CHD8: variants seen among roughly 807,000 people sequenced by gnomAD.
CHD8 encodes chromodomain helicase DNA binding protein 8.
In CHD8, 31 loss-of-function variants were observed where a neutral mutation model predicts 279.2. That is an observed-to-expected ratio of 0.11 (90% CI 0.08 to 0.15). The LOEUF is 0.15. Among genes scored for constraint, CHD8 ranks in the 10% least tolerant of loss-of-function variants. The pLI is 1.00. For synonymous variants in CHD8, 1,081 were observed against 1,139.6 expected (o/e 0.95, Z 1.04); for missense variants, 2,146 against 3,230.5 (o/e 0.66, Z 8.14).
At chr14:21,453,724 C>T (rs1890311358) in intron 1 of CHD8, among the ~76,000 whole-genome samples, 1 of 151,892 alleles carries the variant, frequency 6.6e-6, no homozygotes, top group Non-Finnish European at 1.5e-5. Context: ...GATAGCTTAA[C>T]TCTTCCAGAG....
At chr14:21,394,605 C>CAAAAAAAAAAAAAAAAAAAAAAAAAAA (rs3068337) in intron 30 of CHD8, 120 bp from the exon 31 acceptor site, 1 of 103,740 alleles carries the variant, frequency 9.6e-6, no homozygotes, top group Non-Finnish European at 1.6e-5. Flanking sequence ...AAAGTAGACG[C>CAAAAAAAAAAAAAAAAAAAAAAAAAAA]AAAAAAAAAA....
intron 1 of CHD8, among the ~76,000 whole-genome samples, chr14:21,446,317 C>CT (rs71112587): frequency 0.85 from 117,166 of 137,488 alleles, 49,983 homozygotes; most frequent in South Asian, 0.9. Flanking sequence ...TCTTCTTCTT[C>CT]TTTTTTTTTT....
chr14:21,399,896 A>C, intron 25 of CHD8, 85 bp downstream of exon 25: 2 of 1,224,710 alleles, frequency 1.6e-6, no homozygotes, highest in East Asian at 4.7e-5. Context: ...CAGGTATCCC[A>C]AAGATAGCAT....
At chr14:21,441,449 T>C (rs1889958049) in intron 1 of CHD8, among the ~76,000 whole-genome samples, 1 of 152,242 alleles carries the variant, frequency 6.6e-6, no homozygotes, top group African/African-American at 2.4e-5. Flanking sequence ...AAGATAGTGA[T>C]AGAATTGTTT....
intron 1 of CHD8, among the ~76,000 whole-genome samples, chr14:21,445,828 T>C (rs1890103496): frequency 6.6e-6 from 1 of 151,084 alleles, no homozygotes; most frequent in South Asian, 2.1e-4. Flanking sequence ...GGTGAAACCC[T>C]GTCTCTACTA....
rs747236579 is a variant in CHD8 at position 21,405,360 on chromosome 14, C to T, written c.3156G>A (p.Glu1052=). 11 of 1,603,284 alleles carry T rather than the reference C, an allele frequency of 6.9e-6. No individual in the cohort carries two copies. In the African/African-American group the frequency reaches 1.5e-4, roughly 21 times the overall value. ...APKQETIIEV[E]LTNIQKKYYR... is the part of the protein sequence containing the mutation. ...AGTATTTCTTCTGGATATTAGTCAGCTCTACTTCAATAATTGTTTCCTGTT... is the reference window on the plus strand; with the variant it reads ...AGTATTTCTTCTGGATATTAGTCAGTTCTACTTCAATAATTGTTTCCTGTT... The change falls in exon 16 of 38, where the codon GAG becomes GAA. Residue 1052 remains glutamate (E), a synonymous_variant. Coordinates refer to ENST00000646647, the MANE Select transcript of CHD8 (RefSeq NM_001170629.2). The surrounding 1 kb of genome is among the most constrained non-coding windows in gnomAD (Gnocchi z 4.2).
chr14:21,402,457 A>G lies in CHD8; in HGVS notation c.3761T>C (p.Val1254Ala). 6.2e-7 allele frequency: 1 copy of G among 1,614,130 alleles called. No homozygotes were observed. Among genetic ancestry groups the G allele is most frequent in the South Asian group, 1.1e-5 (1 of 91,062 alleles). The change falls in exon 19 of 38, where the codon GTG (valine) becomes GCG (alanine). Residue 1254 changes from valine (V) to alanine (A), a missense_variant. Transcript: ENST00000646647. The surrounding 1 kb of genome is among the most constrained non-coding windows in gnomAD (Gnocchi z 4.5). ...HRIGQSKAVK[V>A]YRLITRNSYE... ...GGAATTACGAGTGATGAGGCGGTAC[A>G]CCTTCACAGCTTTGCTCTGCCCAAT... is the stretch of plus-strand genomic sequence containing the variant.
rs2139481823 is a variant in CHD8, at chr14:21,408,556, C to T, written c.2487-1G>A. ...CTCATCAGCCAGGATGCAGTTCTGC[C>T]TGCAGATTCACCATGGGAAAAAAAA... On this transcript the variant is annotated splice_acceptor_variant, in intron 12 of 37. Coordinates refer to ENST00000646647, the MANE Select transcript of CHD8 (RefSeq NM_001170629.2). LOFTEE classifies it high-confidence loss of function. This position sits in a 1 kb window ranked among gnomAD's most constrained non-coding sequence, Gnocchi z 4.3. The T allele has an allele frequency of 6.2e-7, 1 of 1,610,112 alleles. No homozygotes were observed. The highest frequency in any genetic ancestry group is 2.2e-5 in the East Asian group (1 of 44,792).
At chr14:21,451,995 A>G (rs1266494658) in intron 1 of CHD8, among the ~76,000 whole-genome samples, 1 of 152,202 alleles carries the variant, frequency 6.6e-6, no homozygotes, top group Non-Finnish European at 1.5e-5. Flanking sequence ...AAACTGAGAG[A>G]TTAAAGGAGA....
In CHD8 at chr14:21,443,877, AAAC is replaced by A. The variant is rs1218369663; in HGVS notation, c.-215-12022_-215-12020del. Among the ~76,000 whole-genome samples, 514 of 150,730 alleles carry A rather than the reference AAAC, an allele frequency of 3.4e-3. 3 individuals carry two copies. The highest frequency in any genetic ancestry group is 0.017 in the East Asian group (84 of 5,048). Reference sequence around the variant, plus strand: ...TCTCAAAAAAAAAAAAAAAAAAAAAAAACAACACTTTAAAATGTCCACTGGATG... The same window carrying A: ...TCTCAAAAAAAAAAAAAAAAAAAAAAAACACTTTAAAATGTCCACTGGATG... On this transcript the variant is annotated intron_variant, in intron 1 of 37. Coordinates refer to ENST00000646647, the MANE Select transcript of CHD8 (RefSeq NM_001170629.2).
chr14:21,393,194 T>G lies in CHD8; in HGVS notation c.6380A>C (p.Gln2127Pro). 6.2e-7 allele frequency: 1 copy of G among 1,613,990 alleles called. No homozygotes were observed. Among genetic ancestry groups the G allele is most frequent in the Non-Finnish European group, 8.5e-7 (1 of 1,179,888 alleles). Residue 2127 changes from glutamine to proline, a missense_variant, in exon 33 of 38, where the codon CAA becomes CCA. By Grantham distance (76) the Gln-to-Pro change is moderately conservative. This residue lies in a region of CHD8 where 513 missense variants were observed against 637.6 expected (regional missense o/e 0.80). Transcript: ENST00000646647. ...TCCATCTTCATTTGGGAATCCATCT[T>G]GGGACATAGTGAGGGACAGGAGACT... ...EESLLSLTMSQDGFPNEDGEQ... is the reference protein window; with the variant it reads ...EESLLSLTMSPDGFPNEDGEQ...
At chr14:21,397,348 G>GC (rs757556404) in intron 27 of CHD8, 1 of 518,862 alleles carries the variant, frequency 1.9e-6, no homozygotes, top group Admixed American at 1.9e-5. Flanking sequence ...CCAAACCAGG[G>GC]CAACACTGCC....
chr14:21,438,341 G>A (rs1026825868), intron 1 of CHD8, among the ~76,000 whole-genome samples: 1 of 151,848 alleles, frequency 6.6e-6, no homozygotes, highest in African/African-American at 2.4e-5. Flanking sequence ...GATTACAGGC[G>A]TGAGCCATCA....
chr14:21,385,795 T>G lies in CHD8; in HGVS notation c.7564A>C (p.Thr2522Pro). 6.5e-7 allele frequency: 1 copy of G among 1,546,266 alleles called. No homozygotes were observed. Among genetic ancestry groups the G allele is most frequent in the Non-Finnish European group, 8.7e-7 (1 of 1,146,222 alleles). Reference protein sequence around the residue: ...RAPGYPSSPVTTASGTTLRLP... With the variant: ...RAPGYPSSPVPTASGTTLRLP... ...CGCAAGGTAGTACCAGAGGCGGTAG[T>G]CACTGGTGAAGAGGGGTAGCCAGGG... Residue 2522 changes from threonine to proline, a missense_variant, in exon 38 of 38, where the codon ACT becomes CCT. Thr to Pro is a conservative substitution (Grantham distance 38, BLOSUM62 -1). Around this residue, in one of 26 missense-constraint regions of CHD8, gnomAD observed 336 missense variants for 392.9 expected, o/e 0.86. Coordinates refer to ENST00000646647, the MANE Select transcript of CHD8 (RefSeq NM_001170629.2).
At chr14:21,444,005 G>T (rs987921895) in intron 1 of CHD8, among the ~76,000 whole-genome samples, 1 of 151,944 alleles carries the variant, frequency 6.6e-6, no homozygotes, top group Non-Finnish European at 1.5e-5. Flanking sequence ...TCCTCTTTTA[G>T]GATAATTATC....
At chr14:21,420,375 G>A (rs1408398162) in intron 5 of CHD8, among the ~76,000 whole-genome samples, 2 of 152,192 alleles carry the variant, frequency 1.3e-5, no homozygotes, top group Middle Eastern at 3.2e-3. Context: ...CCACAAGAGA[G>A]GAAATAAAAG....
Position 21,428,970 on chromosome 14 carries a change from C to T in CHD8, c.1209G>A (p.Gln403=). The T allele has an allele frequency of 6.2e-7, 1 of 1,613,946 alleles. No homozygotes were observed. The highest frequency in any genetic ancestry group is 8.5e-7 in the Non-Finnish European group (1 of 1,179,830). The change falls in exon 3 of 38, where the codon CAG becomes CAA. Residue 403 remains glutamine (Q), a synonymous_variant. Coordinates refer to ENST00000646647, the MANE Select transcript of CHD8 (RefSeq NM_001170629.2). ...RLSVPVKVVL[Q]PQAGSSQGAS... is the part of the protein sequence containing the mutation. ...TACTATGTAAGTCTCTCACCTGTGG[C>T]TGCAGTACCACCTTGACTGGTACTG...
chr14:21,451,522 A>G (rs1890254990), intron 1 of CHD8, among the ~76,000 whole-genome samples: 1 of 139,714 alleles, frequency 7.2e-6, no homozygotes. Flanking sequence ...TGCTGAGCCG[A>G]GATCGCTCCA....
At chr14:21,414,475 T>C (rs1594358155) in intron 8 of CHD8, 57 bp from the exon 9 acceptor site, 1 of 954,150 alleles carries the variant, frequency 1.0e-6, no homozygotes, top group East Asian at 2.6e-5. Context: ...GGCAGGCTAC[T>C]GTCTGAAATT....
Sources: allele counts gnomAD v4.1 joint callset (sites outside exome capture counted in the v4.1 genomes callset), GRCh38; gene constraint gnomAD v4.1.1; regional missense constraint gnomAD v4.1.1; non-coding constraint Gnocchi (gnomAD v3.1); transcripts MANE v1.5; gene names NCBI Gene and HGNC (gene_info 2026-07-23, HGNC 2026-07-21).